The following ARSB variants were observed in gnomAD, a reference collection of about 807,000 sequenced individuals.
ARSB encodes the protein N-acetylgalactosamine-4-sulfatase.
A neutral mutation model predicts 50.9 loss-of-function variants in ARSB; 41 were observed. The observed-to-expected ratio is 0.81, with a 90% confidence interval of 0.63 to 1.04. ARSB has a LOEUF of 1.04. Among genes scored for constraint, ARSB ranks in the 50% least tolerant of loss-of-function variants. ARSB has a pLI of 0.00. For missense variants in ARSB, 672 were observed against 693.3 expected (o/e 0.97, Z 0.35); for synonymous variants, 269 against 284.8 (o/e 0.94, Z 0.56).
chr5:78,805,029 G>C (rs142943336), intron 6 of ARSB, among the ~76,000 whole-genome samples: 1 of 152,200 alleles, frequency 6.6e-6, no homozygotes, highest in Non-Finnish European at 1.5e-5. Context: ...ATAGCAACAC[G>C]CAAGATACTG....
chr5:78,942,289 C>T (rs989191378), intron 4 of ARSB, among the ~76,000 whole-genome samples: 2 of 152,194 alleles, frequency 1.3e-5, no homozygotes, highest in African/African-American at 4.8e-5. Flanking sequence ...TCCTTCAGTT[C>T]TGCTCTGATC....
intron 5 of ARSB, among the ~76,000 whole-genome samples, chr5:78,880,057 G>C (rs959745612): frequency 6.6e-5 from 10 of 151,968 alleles, no homozygotes; most frequent in Non-Finnish European, 1.5e-4. Flanking sequence ...TTTGGTTAAA[G>C]CCCCGCAGTC....
At chr5:78,899,996 C>T (rs760382202) in intron 4 of ARSB, among the ~76,000 whole-genome samples, 3 of 152,038 alleles carry the variant, frequency 2.0e-5, no homozygotes, top group Non-Finnish European at 4.4e-5. Flanking sequence ...TAGATTGCTG[C>T]CTCCTTTTCG....
intron 6 of ARSB, among the ~76,000 whole-genome samples, chr5:78,783,885 AT>A (rs1252046651): frequency 6.6e-6 from 1 of 152,184 alleles, no homozygotes; most frequent in Non-Finnish European, 1.5e-5. Context: ...TCTTGACTTT[AT>A]TGTTTTCATT....
At chr5:78,895,851 G>T (rs923548489) in intron 4 of ARSB, among the ~76,000 whole-genome samples, 6 of 152,214 alleles carry the variant, frequency 3.9e-5, no homozygotes, top group African/African-American at 1.4e-4. Flanking sequence ...AGAGCCAGGG[G>T]AAGAGAGAGG....
chr5:78,905,344 G>GTTTTTTTTTTTTTTTTTTTTTTTTTT lies in ARSB; in HGVS notation c.899-19518_899-19517insAAAAAAAAAAAAAAAAAAAAAAAAAA, dbSNP rs60622885. 1.6e-4 allele frequency among the ~76,000 whole-genome samples: 21 copies of GTTTTTTTTTTTTTTTTTTTTTTTTTT among 130,552 alleles called. 4 individuals are homozygous for GTTTTTTTTTTTTTTTTTTTTTTTTTT. Among genetic ancestry groups the GTTTTTTTTTTTTTTTTTTTTTTTTTT allele is most frequent in the Non-Finnish European group, 2.1e-4 (13 of 62,444 alleles). 85.6% of individuals were successfully genotyped at this position (130,552 alleles called of 152,430 possible). ...CCTTGAGTACTGCTCGTATTTTCCT[G>GTTTTTTTTTTTTTTTTTTTTTTTTTT]TTTTTTTTTTTTTGTATAATGAGTA... On this transcript the variant is annotated intron_variant, in intron 4 of 7. Transcript: ENST00000264914.
At chr5:78,871,977 C>G (rs1561474258) in intron 5 of ARSB, among the ~76,000 whole-genome samples, 2 of 151,862 alleles carry the variant, frequency 1.3e-5, no homozygotes, top group African/African-American at 4.8e-5. Flanking sequence ...AAGAAAAAAA[C>G]AAACAACCCC....
intron 4 of ARSB, among the ~76,000 whole-genome samples, chr5:78,940,424 C>G (rs533264238): frequency 2.6e-5 from 4 of 152,286 alleles, no homozygotes; most frequent in African/African-American, 9.6e-5. Flanking sequence ...TTAGGTCTAA[C>G]ATTTAAGTCT....
chr5:78,913,121 CTTTTTT>C (rs11440743), intron 4 of ARSB, among the ~76,000 whole-genome samples: 21 of 140,098 alleles, frequency 1.5e-4, no homozygotes, highest in African/African-American at 5.3e-4. Context: ...TTTTAATTCG[CTTTTTT>C]TTTTTTTTTC....
chr5:78,808,811 G>C (rs1295475806), intron 6 of ARSB, among the ~76,000 whole-genome samples: 2 of 152,204 alleles, frequency 1.3e-5, no homozygotes, highest in African/African-American at 4.8e-5. Flanking sequence ...AGTGATGCTG[G>C]AGGGACACAG....
intron 4 of ARSB, among the ~76,000 whole-genome samples, chr5:78,945,111 G>A (rs911895652): frequency 6.6e-6 from 1 of 152,184 alleles, no homozygotes; most frequent in African/African-American, 2.4e-5. Context: ...TGTGCCGTTT[G>A]CTAAGACCAT....
chr5:78,821,649 T>C (rs1744228131), intron 6 of ARSB, among the ~76,000 whole-genome samples: 1 of 152,230 alleles, frequency 6.6e-6, no homozygotes, highest in African/African-American at 2.4e-5. Flanking sequence ...TTCAGTCAAG[T>C]TACAATTTTG....
Position 78,874,656 on chromosome 5 carries a change from A to C in ARSB, c.1142+10928T>G, listed in dbSNP as rs576593512. ...GAAAAAACTAAGAATAGAAATAAAA[A>C]TATTTATAAATATGTATAAATTCAT... is the stretch of plus-strand genomic sequence containing the variant. On this transcript the variant is annotated intron_variant, in intron 5 of 7. Transcript: ENST00000264914. Among the ~76,000 whole-genome samples, 3 of 152,234 alleles carry C rather than the reference A, an allele frequency of 2.0e-5. No individual in the cohort carries two copies. In the East Asian group the frequency reaches 5.8e-4, roughly 29 times the overall value.
chr5:78,834,522 G>A (rs902230698), intron 6 of ARSB, among the ~76,000 whole-genome samples: 3 of 148,532 alleles, frequency 2.0e-5, no homozygotes, highest in African/African-American at 7.4e-5. Context: ...TTAGCATAAT[G>A]TCTTTAAGGT....
At chr5:78,979,545 C>T (rs974546145) in intron 1 of ARSB, among the ~76,000 whole-genome samples, 5 of 152,210 alleles carry the variant, frequency 3.3e-5, no homozygotes, top group African/African-American at 1.2e-4. Context: ...ACGGAGGTGG[C>T]GCCTGGCCTC....
chr5:78,792,380 A>C (rs970497958), intron 6 of ARSB, among the ~76,000 whole-genome samples: 2 of 107,454 alleles, frequency 1.9e-5, no homozygotes, highest in Admixed American at 2.1e-4. Flanking sequence ...ATCTGTCGCA[A>C]AAAAAAAAAA....
intron 4 of ARSB, among the ~76,000 whole-genome samples, chr5:78,933,599 G>T (rs1381515898): frequency 1.3e-5 from 2 of 151,240 alleles, no homozygotes; most frequent in African/African-American, 4.9e-5. Flanking sequence ...TATCACACAA[G>T]TATTAGGACG....
In ARSB at chr5:78,839,392, G is replaced by A. The variant is rs1745094213; in HGVS notation, c.1177C>T (p.His393Tyr). 4 of 1,613,864 alleles carry A rather than the reference G, an allele frequency of 2.5e-6. No homozygotes were observed. The highest frequency in any genetic ancestry group is 3.4e-6 in the Non-Finnish European group (4 of 1,179,836). ...GSPSPRIELL[H>Y]NIDPNFVDSS... is the part of the protein sequence containing the mutation. ...TCCACGAAGTTCGGGTCAATATTAT[G>A]CAGCAGCTCAATTCTGGGGGATGGG... Residue 393 changes from histidine (H) to tyrosine (Y), a missense_variant, in exon 6 of 8, where the codon CAT becomes TAT. By Grantham distance (83) the His-to-Tyr change is moderately conservative. Transcript: ENST00000264914.
intron 4 of ARSB, among the ~76,000 whole-genome samples, chr5:78,893,020 T>C (rs1338765234): frequency 1.3e-5 from 2 of 152,130 alleles, no homozygotes; most frequent in East Asian, 3.9e-4. Flanking sequence ...ATAATTCCCA[T>C]GTGTTGTAGG....
Sources: gnomAD v4.1 joint callset for allele counts (sites outside exome capture counted in the v4.1 genomes callset) on GRCh38, gnomAD v4.1.1 for gene constraint, MANE v1.5 for transcripts, NCBI Gene and HGNC (gene_info 2026-07-23, HGNC 2026-07-21) for gene names.